Variants in TNR observed in about 807,000 individuals in gnomAD.
TNR encodes tenascin-R.
Under a neutral mutation model 150.4 loss-of-function variants are expected in TNR, and 45 were observed. The observed-to-expected ratio is 0.30, with a 90% CI of 0.24 to 0.38. TNR has a LOEUF of 0.38. Among genes scored for constraint, TNR ranks in the 10% least tolerant of loss-of-function variants. The pLI is 1.00. For missense variants in TNR, 1,544 were observed against 1,759.1 expected (o/e 0.88, Z 2.19); for synonymous variants, 687 against 678.4 (o/e 1.01, Z -0.20).
chr1:175,452,959 G>A (rs916973530), intron 2 of TNR, among the ~76,000 whole-genome samples: 6 of 152,074 alleles, frequency 3.9e-5, no homozygotes, highest in Non-Finnish European at 7.4e-5. Context: ...TTCAGACAGG[G>A]GGCAGCGGGA....
At chr1:175,738,828 C>T (rs772758886) in intron 1 of TNR, among the ~76,000 whole-genome samples, 37 of 152,160 alleles carry the variant, frequency 2.4e-4, no homozygotes, top group Non-Finnish European at 1.5e-4. Context: ...CATTCCAATT[C>T]CACCTTCCCC....
At chr1:175,627,123 C>T (rs1323130) in intron 1 of TNR, among the ~76,000 whole-genome samples, 40,142 of 152,142 alleles carry the variant, frequency 0.26, 6,034 homozygotes, top group East Asian at 0.5. Context: ...GCTGTGCCAA[C>T]CCCACCAAAC....
intron 1 of TNR, among the ~76,000 whole-genome samples, chr1:175,533,250 A>C (rs1374268113): frequency 6.6e-6 from 1 of 152,228 alleles, no homozygotes; most frequent in Non-Finnish European, 1.5e-5. Context: ...TAAGATGGGA[A>C]TAATAATATT....
chr1:175,617,171 G>A lies in TNR; in HGVS notation c.-164-88802C>T, dbSNP rs556978623. 5.7e-4 allele frequency among the ~76,000 whole-genome samples: 87 copies of A among 152,248 alleles called. 1 individual carries two copies. The highest frequency in any genetic ancestry group is 3.1e-3 in the Admixed American group (48 of 15,302). Reference sequence around the variant, plus strand: ...ATGGTTAGAGTCCCTGTCCAGGACCGTGCTTGCTGCCATATTCGCTGAGAG... The same window carrying A: ...ATGGTTAGAGTCCCTGTCCAGGACCATGCTTGCTGCCATATTCGCTGAGAG... On this transcript the variant is annotated intron_variant, in intron 1 of 22. Coordinates refer to ENST00000367674, the MANE Select transcript of TNR (RefSeq NM_003285.3).
intron 1 of TNR, among the ~76,000 whole-genome samples, chr1:175,729,135 G>C (rs1667557933): frequency 6.6e-6 from 1 of 152,038 alleles, no homozygotes; most frequent in Non-Finnish European, 1.5e-5. Flanking sequence ...CTCCTTAGCA[G>C]GTTGTTCCTT....
intron 1 of TNR, among the ~76,000 whole-genome samples, chr1:175,742,098 G>A (rs1016057530): frequency 6.6e-6 from 1 of 152,194 alleles, no homozygotes; most frequent in African/African-American, 2.4e-5. Flanking sequence ...GACTGAATGG[G>A]GCAGGGGCAG....
intron 4 of TNR, among the ~76,000 whole-genome samples, chr1:175,400,630 C>T (rs1392491443): frequency 6.6e-6 from 1 of 152,148 alleles, no homozygotes; most frequent in Non-Finnish European, 1.5e-5. Context: ...GCAATCCACA[C>T]AATGGGCAGC....
At chr1:175,519,512 A>T (rs1175766094) in intron 2 of TNR, among the ~76,000 whole-genome samples, 1 of 152,204 alleles carries the variant, frequency 6.6e-6, no homozygotes, top group African/African-American at 2.4e-5. Context: ...TCACTATCAA[A>T]ACCTCATCAA....
intron 2 of TNR, among the ~76,000 whole-genome samples, chr1:175,495,603 G>T (rs1029287579): frequency 1.3e-5 from 2 of 152,144 alleles, no homozygotes; most frequent in African/African-American, 4.8e-5. Context: ...GGATATCTAA[G>T]CACCCACAAA....
In TNR at chr1:175,403,148, C is replaced by G; in HGVS notation, c.968G>C (p.Cys323Ser). ...AGAGTTCCCCTGCCTACCTGCTGAG[C>G]AGTCAGGGCCCTGGTAGCCCTCTTC... ...VCEEGYQGPD[C>S]SAVAPPEDLR... The change falls in exon 4 of 23, where the codon TGC becomes TCC. Residue 323 changes from cysteine (C) to serine (S), a missense_variant. Physicochemically the swap from Cys to Ser is moderately radical, Grantham distance 112 (BLOSUM62 -1). Coordinates refer to ENST00000367674, the MANE Select transcript of TNR (RefSeq NM_003285.3). 1 of 1,608,924 alleles carries G rather than the reference C, an allele frequency of 6.2e-7. No homozygotes were observed. Among genetic ancestry groups the G allele is most frequent in the Non-Finnish European group, 8.5e-7 (1 of 1,175,834 alleles).
At chr1:175,704,690 A>G (rs1400229592) in intron 1 of TNR, among the ~76,000 whole-genome samples, 2 of 152,144 alleles carry the variant, frequency 1.3e-5, no homozygotes, top group African/African-American at 2.4e-5. Context: ...AATGGCTTGT[A>G]TTTTTGCTGC....
rs1332462418 is a variant in TNR at position 175,417,067 on chromosome 1, G to GAAAT, written c.-63-10291_-63-10290insATTT. ...AGAAAGAAAGAAAGAAAGAAAGAAA[G>GAAAT]AAAGAAAGAAATCTAAGAAGTGGTC... On this transcript the variant is annotated intron_variant, in intron 2 of 22. Transcript: ENST00000367674. 2.7e-3 allele frequency among the ~76,000 whole-genome samples: 351 copies of GAAAT among 130,296 alleles called. 8 individuals carry two copies. The East Asian group carries it at 0.032, about 12-fold the overall frequency. The allele number at this position is 130,296 out of a possible 152,430, so 85.5% of individuals were successfully genotyped here.
chr1:175,370,338 CTTTTTTTTTTTTTTTTT>C (rs55795922), intron 9 of TNR, among the ~76,000 whole-genome samples: 4 of 42,926 alleles, frequency 9.3e-5, no homozygotes, highest in Non-Finnish European at 1.2e-4. Context: ...ATTTTGAGTA[CTTTTTTTTTTTTTTTTT>C]TTTTTTTTTT....
At chr1:175,657,672 A>G (rs1040991597) in intron 1 of TNR, among the ~76,000 whole-genome samples, 8 of 148,804 alleles carry the variant, frequency 5.4e-5, no homozygotes, top group African/African-American at 2.0e-4. Context: ...TCACAAGGAC[A>G]AAAAACCAAA....
intron 3 of TNR, 149 bp downstream of exon 3, chr1:175,406,067 T>G (rs1351542250): frequency 1.3e-5 from 14 of 1,070,582 alleles, no homozygotes; most frequent in Admixed American, 1.1e-4. Flanking sequence ...CTAGGACACT[T>G]TTTTCCTTTG....
chr1:175,618,853 C>T (rs1230562472), intron 1 of TNR, among the ~76,000 whole-genome samples: 3 of 152,310 alleles, frequency 2.0e-5, no homozygotes, highest in East Asian at 1.9e-4. Context: ...AAACACTGCC[C>T]TTGCCTTCTG....
intron 1 of TNR, among the ~76,000 whole-genome samples, chr1:175,686,629 A>G (rs964715537): frequency 6.6e-6 from 1 of 152,048 alleles, no homozygotes; most frequent in African/African-American, 2.4e-5. Flanking sequence ...TAGTTTTTTA[A>G]CCCTTGTCCC....
chr1:175,559,424 A>T (rs1048862819), intron 1 of TNR, among the ~76,000 whole-genome samples: 1 of 152,206 alleles, frequency 6.6e-6, no homozygotes, highest in African/African-American at 2.4e-5. Context: ...CCACCAGCTT[A>T]AGAAAGAAAA....
At position 175,476,537 on chromosome 1, in the gene TNR, G is replaced by A. The variant is rs114288548; in HGVS notation, c.-64+51732C>T. On this transcript the variant is annotated intron_variant, in intron 2 of 22. Coordinates refer to ENST00000367674, the MANE Select transcript of TNR (RefSeq NM_003285.3). ...GCTGCTTAGAAACCTCCAAAGGCTA[G>A]CCTGAGATTGATGCTCTTTGGGCTT... Among the ~76,000 whole-genome samples the A allele has an allele frequency of 1.6e-3, 236 of 152,254 alleles. 1 individual carries two copies. Among genetic ancestry groups the A allele is most frequent in the African/African-American group, 5.4e-3 (225 of 41,542 alleles).
Sources: gnomAD v4.1 joint callset for allele counts (sites outside exome capture counted in the v4.1 genomes callset) on GRCh38, gnomAD v4.1.1 for gene constraint, MANE v1.5 for transcripts, NCBI Gene and HGNC (gene_info 2026-07-23, HGNC 2026-07-21) for gene names.